Variants in COG5 observed in about 807,000 individuals in gnomAD.
COG5 encodes the protein component of oligomeric golgi complex 5.
In COG5, 86 loss-of-function variants were observed where a neutral mutation model predicts 110.4. That is an observed-to-expected ratio of 0.78 (90% confidence interval 0.65 to 0.93). The LOEUF is 0.93. COG5 is among the 40% of genes least tolerant of loss of function. The pLI is 0.00. For missense variants in COG5, 1,077 were observed against 987.0 expected (o/e 1.09, Z -1.22); for synonymous variants, 360 against 334.6 (o/e 1.08, Z -0.83).
chr7:107,420,152 A>G (rs781406789), intron 6 of COG5, among the ~76,000 whole-genome samples: 4 of 152,214 alleles, frequency 2.6e-5, no homozygotes, highest in East Asian at 1.9e-4. Flanking sequence ...AGAACTAGAA[A>G]TGAGAACACC....
chr7:107,491,324 A>T (rs1797962417), intron 6 of COG5, among the ~76,000 whole-genome samples: 2 of 152,236 alleles, frequency 1.3e-5, no homozygotes, highest in Admixed American at 1.3e-4. Flanking sequence ...CTGAAGAGTA[A>T]CTAGATCAAG....
intron 7 of COG5, among the ~76,000 whole-genome samples, chr7:107,391,717 T>C (rs1790637633): frequency 6.6e-6 from 1 of 152,218 alleles, no homozygotes; most frequent in African/African-American, 2.4e-5. Flanking sequence ...ATCTGCATTT[T>C]TTCAAGGCAG....
intron 18 of COG5, among the ~76,000 whole-genome samples, chr7:107,231,230 T>C (rs1190695617): frequency 2.6e-5 from 4 of 152,308 alleles, no homozygotes; most frequent in Admixed American, 2.0e-4. Flanking sequence ...ATGGAGATAA[T>C]AATACCTACT....
At chr7:107,266,818 T>A (rs188591795) in intron 14 of COG5, among the ~76,000 whole-genome samples, 14 of 152,318 alleles carry the variant, frequency 9.2e-5, no homozygotes, top group Admixed American at 5.9e-4. Context: ...ATCTAGCAGT[T>A]CAGAGAATGA....
intron 6 of COG5, among the ~76,000 whole-genome samples, chr7:107,427,549 G>C (rs1003444324): frequency 6.6e-6 from 1 of 151,626 alleles, no homozygotes; most frequent in Non-Finnish European, 1.5e-5. Flanking sequence ...TTGGAAGCAG[G>C]GTTTTCCCAG....
chr7:107,438,699 T>C (rs562627067), intron 6 of COG5, among the ~76,000 whole-genome samples: 2 of 152,330 alleles, frequency 1.3e-5, no homozygotes, highest in Middle Eastern at 3.4e-3. Flanking sequence ...TTATACTGTT[T>C]ACAACCAAAC....
Position 107,320,503 on chromosome 7 carries a change from C to G in COG5, c.1108+3937G>C, listed in dbSNP as rs558830014. On this transcript the variant is annotated intron_variant, in intron 11 of 21. Coordinates refer to ENST00000297135, the MANE Select transcript of COG5 (RefSeq NM_006348.5). Reference sequence around the variant, plus strand: ...TTGTTTTGTTCGATTGAATTTTTATCTAAACATCAGCAACACTAAGAGATC... The same window carrying G: ...TTGTTTTGTTCGATTGAATTTTTATGTAAACATCAGCAACACTAAGAGATC... Among the ~76,000 whole-genome samples the G allele has an allele frequency of 2.0e-5, 3 of 152,256 alleles. No homozygotes were observed. The South Asian group carries it at 6.2e-4, about 32-fold the overall frequency.
intron 6 of COG5, among the ~76,000 whole-genome samples, chr7:107,499,908 A>T (rs527394873): frequency 1.3e-5 from 2 of 152,130 alleles, no homozygotes; most frequent in Admixed American, 1.3e-4. Context: ...ACTTCTCCTC[A>T]AGTCTCCTGA....
chr7:107,415,869 T>C (rs1289656789), intron 6 of COG5, among the ~76,000 whole-genome samples: 1 of 111,936 alleles, frequency 8.9e-6, no homozygotes, highest in Admixed American at 8.2e-5. Context: ...TACACGTATG[T>C]ATGTATGTGT....
chr7:107,347,733 T>A (rs949216518), intron 10 of COG5, among the ~76,000 whole-genome samples: 1 of 152,176 alleles, frequency 6.6e-6, no homozygotes, highest in Non-Finnish European at 1.5e-5. Context: ...TTTTAAAACT[T>A]AAAAAAATTT....
At chr7:107,444,979 G>T (rs113776110) in intron 6 of COG5, among the ~76,000 whole-genome samples, 3,681 of 152,182 alleles carry the variant, frequency 0.024, 54 homozygotes, top group Non-Finnish European at 0.037. Flanking sequence ...TTTGAACCCA[G>T]GAGTTTGAGA....
intron 10 of COG5, among the ~76,000 whole-genome samples, chr7:107,338,256 G>C (rs1452192979): frequency 6.6e-6 from 1 of 151,968 alleles, no homozygotes; most frequent in African/African-American, 2.4e-5. Flanking sequence ...ATATTACAAA[G>C]CTTCCATAAT....
At chr7:107,547,143 G>A (rs979719936) in intron 5 of COG5, among the ~76,000 whole-genome samples, 3 of 152,078 alleles carry the variant, frequency 2.0e-5, no homozygotes, top group Admixed American at 1.3e-4. Context: ...CTAGCCAATC[G>A]AATTCAGTAG....
chr7:107,319,353 T>C (rs1809043829), intron 11 of COG5, among the ~76,000 whole-genome samples: 1 of 152,218 alleles, frequency 6.6e-6, no homozygotes, highest in African/African-American at 2.4e-5. Flanking sequence ...TCATGTCCAC[T>C]CATTTTAATT....
At chr7:107,346,739 C>A (rs1207880283) in intron 10 of COG5, among the ~76,000 whole-genome samples, 1 of 151,704 alleles carries the variant, frequency 6.6e-6, no homozygotes, top group Admixed American at 6.6e-5. Context: ...TTCTAGGGTA[C>A]ATGTGCACAA....
chr7:107,535,189 T>C lies in COG5; in HGVS notation c.418-7832A>G, dbSNP rs554537596. Among the ~76,000 whole-genome samples the C allele has an allele frequency of 1.2e-4, 18 of 151,782 alleles. No individual in the cohort carries two copies. The South Asian group carries it at 3.1e-3, about 26-fold the overall frequency. ...AAATCAGTGTTTAGAGGGAAATTTA[T>C]AGCACTAAATGCCCACAGGAGAAAG... On this transcript the variant is annotated intron_variant, in intron 5 of 21. Transcript: ENST00000297135.
intron 19 of COG5, among the ~76,000 whole-genome samples, chr7:107,214,031 A>G (rs1167883312): frequency 2.6e-5 from 4 of 152,210 alleles, no homozygotes; most frequent in Non-Finnish European, 5.9e-5. Flanking sequence ...AATCTGGAAC[A>G]CAATATATGA....
intron 5 of COG5, among the ~76,000 whole-genome samples, chr7:107,538,373 C>T (rs1801738985): frequency 6.6e-6 from 1 of 152,136 alleles, no homozygotes; most frequent in East Asian, 1.9e-4. Flanking sequence ...CCTCCTCAAG[C>T]TCATCTATAA....
chr7:107,415,897 T>C (rs1225194218), intron 6 of COG5, among the ~76,000 whole-genome samples: 5 of 118,176 alleles, frequency 4.2e-5, no homozygotes, highest in East Asian at 2.8e-4. Flanking sequence ...TACACACACA[T>C]ACACGTATGT....
Sources: allele counts gnomAD v4.1 joint callset (sites outside exome capture counted in the v4.1 genomes callset), GRCh38; gene constraint gnomAD v4.1.1; transcripts MANE v1.5; gene names NCBI Gene and HGNC (gene_info 2026-07-23, HGNC 2026-07-21).